Variants in MYO5B observed in about 807,000 individuals in gnomAD.
MYO5B encodes the protein myosin VB.
MYO5B carries 143 observed loss-of-function variants against 229.3 expected under a neutral mutation model. The observed-to-expected ratio is 0.62, with a 90% CI of 0.54 to 0.72. The LOEUF is 0.72. MYO5B is among the 30% of genes least tolerant of loss of function. MYO5B has a pLI of 0.00. For synonymous variants in MYO5B, 918 were observed against 885.2 expected (o/e 1.04, Z -0.66); for missense variants, 2,321 against 2,331.0 (o/e 1.00, Z 0.09).
Position 49,929,606 on chromosome 18 carries a change from A to C in MYO5B, c.2004-8T>G, listed in dbSNP as rs2025167279. ...GCTCTCTTTGGGTCAAAGCTGCCAAAGGAGAAAAAAAAAAAAAAAAGCAAG... is the reference window on the plus strand; with the variant it reads ...GCTCTCTTTGGGTCAAAGCTGCCAACGGAGAAAAAAAAAAAAAAAAGCAAG... On this transcript the variant is annotated splice_region_variant and splice_polypyrimidine_tract_variant and intron_variant, in intron 16 of 39. Coordinates refer to ENST00000285039, the MANE Select transcript of MYO5B (RefSeq NM_001080467.3). 3.4e-6 allele frequency: 5 copies of C among 1,465,480 alleles called. No individual in the cohort carries two copies. Among genetic ancestry groups the C allele is most frequent in the Non-Finnish European group, 1.8e-6 (2 of 1,112,988 alleles). The allele number at this position is 1,465,480 out of a possible 1,614,324, so 90.8% of individuals were successfully genotyped here.
intron 17 of MYO5B, among the ~76,000 whole-genome samples, chr18:49,917,463 A>G (rs2025029610): frequency 2.6e-5 from 1 of 37,856 alleles, no homozygotes; most frequent in Non-Finnish European, 8.3e-5. Flanking sequence ...AATGTTTGTA[A>G]AACGTTTACT....
chr18:50,028,995 A>G (rs899454983), intron 4 of MYO5B, among the ~76,000 whole-genome samples: 3 of 152,352 alleles, frequency 2.0e-5, no homozygotes, highest in African/African-American at 2.4e-5. Flanking sequence ...TCCTAAATGC[A>G]TAATTTTAAA....
At chr18:49,961,828 T>A (rs1404261660) in intron 12 of MYO5B, among the ~76,000 whole-genome samples, 1 of 152,206 alleles carries the variant, frequency 6.6e-6, no homozygotes, top group African/African-American at 2.4e-5. Flanking sequence ...AGAAACCAGA[T>A]GGGGAAATTA....
At chr18:49,907,599 C>T (rs1348768933) in intron 18 of MYO5B, among the ~76,000 whole-genome samples, 3 of 152,198 alleles carry the variant, frequency 2.0e-5, no homozygotes, top group Non-Finnish European at 4.4e-5. Flanking sequence ...AAGGAATGAG[C>T]CAAGTCCAAG....
At chr18:50,005,508 T>C (rs1049478471) in intron 4 of MYO5B, among the ~76,000 whole-genome samples, 1 of 152,222 alleles carries the variant, frequency 6.6e-6, no homozygotes, top group African/African-American at 2.4e-5. Flanking sequence ...CCTCCTGGGC[T>C]CAGGCGATCC....
At chr18:50,095,575 C>T (rs1215621847) in intron 1 of MYO5B, among the ~76,000 whole-genome samples, 3 of 152,184 alleles carry the variant, frequency 2.0e-5, no homozygotes, top group Non-Finnish European at 4.4e-5. Context: ...CTGCACTGAG[C>T]CCTTAGACAC....
intron 1 of MYO5B, among the ~76,000 whole-genome samples, chr18:50,151,664 A>G (rs1255930197): frequency 6.6e-6 from 1 of 152,182 alleles, no homozygotes; most frequent in Non-Finnish European, 1.5e-5. Flanking sequence ...AAGTATATAT[A>G]TACACTAGTT....
chr18:50,036,317 T>C (rs1257813903), intron 4 of MYO5B, among the ~76,000 whole-genome samples: 1 of 152,250 alleles, frequency 6.6e-6, no homozygotes, highest in Non-Finnish European at 1.5e-5. Context: ...GGAGGAGATC[T>C]ACTTAAATGC....
At chr18:50,187,862 G>A (rs1429146085) in intron 1 of MYO5B, among the ~76,000 whole-genome samples, 1 of 152,092 alleles carries the variant, frequency 6.6e-6, no homozygotes, top group East Asian at 1.9e-4. Context: ...ACAAAAAACT[G>A]AGCAACTGTC....
At chr18:49,830,537 C>A (rs1423679351) in intron 39 of MYO5B, among the ~76,000 whole-genome samples, 3 of 152,100 alleles carry the variant, frequency 2.0e-5, no homozygotes, top group African/African-American at 7.2e-5. Context: ...TCTTGACTAG[C>A]CAAAGCAATC....
chr18:50,131,450 AAAT>A (rs2032253020), intron 1 of MYO5B, among the ~76,000 whole-genome samples: 1 of 152,178 alleles, frequency 6.6e-6, no homozygotes, highest in Non-Finnish European at 1.5e-5. Context: ...GTCCAAGGAA[AAAT>A]AATAGGTACT....
At chr18:50,117,541 T>C (rs1451438788) in intron 1 of MYO5B, among the ~76,000 whole-genome samples, 1 of 151,984 alleles carries the variant, frequency 6.6e-6, no homozygotes, top group Non-Finnish European at 1.5e-5. Flanking sequence ...TCTTTCTTCC[T>C]CTCTAGAGGA....
chr18:50,165,057 T>C (rs990993497), intron 1 of MYO5B, among the ~76,000 whole-genome samples: 2 of 152,244 alleles, frequency 1.3e-5, no homozygotes, highest in Admixed American at 1.3e-4. Flanking sequence ...GGCCCCTCAC[T>C]GCAGCTGGGG....
At chr18:50,006,332 G>A (rs921023210) in intron 4 of MYO5B, among the ~76,000 whole-genome samples, 3 of 152,198 alleles carry the variant, frequency 2.0e-5, no homozygotes, top group Non-Finnish European at 4.4e-5. Context: ...GCATCAATCT[G>A]CTTTTCAATA....
At chr18:50,068,132 C>G (rs1392746859) in intron 1 of MYO5B, among the ~76,000 whole-genome samples, 1 of 152,126 alleles carries the variant, frequency 6.6e-6, no homozygotes, top group Non-Finnish European at 1.5e-5. Flanking sequence ...TAAGCAAACC[C>G]TATTCCTCAA....
intron 22 of MYO5B, among the ~76,000 whole-genome samples, chr18:49,890,462 C>A (rs1221182311): frequency 6.6e-6 from 1 of 152,142 alleles, no homozygotes; most frequent in African/African-American, 2.4e-5. Flanking sequence ...TTATCAGAAT[C>A]AACACTGGAG....
chr18:50,045,603 A>G (rs2030202834), intron 2 of MYO5B, among the ~76,000 whole-genome samples: 1 of 152,202 alleles, frequency 6.6e-6, no homozygotes, highest in African/African-American at 2.4e-5. Context: ...CATGTTGCCC[A>G]GGCTGGCCTA....
intron 14 of MYO5B, among the ~76,000 whole-genome samples, chr18:49,946,622 A>C (rs1362720729): frequency 6.6e-6 from 1 of 152,212 alleles, no homozygotes; most frequent in Admixed American, 6.5e-5. Context: ...CAGAAAGTAA[A>C]AACTGTCCAA....
chr18:49,930,458 A>C (rs1223746216), intron 16 of MYO5B, among the ~76,000 whole-genome samples: 1 of 152,240 alleles, frequency 6.6e-6, no homozygotes. Flanking sequence ...GTAGAATAAA[A>C]AGCCAGATGC....
Sources: gnomAD v4.1 joint callset for allele counts (sites outside exome capture counted in the v4.1 genomes callset) on GRCh38, gnomAD v4.1.1 for gene constraint, MANE v1.5 for transcripts, NCBI Gene and HGNC (gene_info 2026-07-23, HGNC 2026-07-21) for gene names.